The following ASIC2 variants were observed in gnomAD, a reference collection of about 807,000 sequenced individuals.
The protein encoded by ASIC2 is acid-sensing ion channel 2.
In ASIC2, 25 loss-of-function variants were observed where a neutral mutation model predicts 57.3. The ratio of observed to expected loss-of-function variants is 0.44; its 90% CI spans 0.32 to 0.61. The LOEUF (loss-of-function observed/expected upper bound fraction) is 0.61. Among genes scored for constraint, ASIC2 ranks in the 20% least tolerant of loss-of-function variants. The pLI, the probability that ASIC2 is intolerant of heterozygous loss-of-function variation, is 0.06. For missense variants in ASIC2, 641 were observed against 738.1 expected, an observed-to-expected ratio of 0.87 and a Z score of 1.52; for synonymous variants, 319 against 307.5, an observed-to-expected ratio of 1.04 and a Z score of -0.39.
At position 33,630,455 on chromosome 17, in the gene ASIC2, C is replaced by T. The variant is rs187581086; in HGVS notation, c.556-518388G>A. On this transcript the variant is annotated intron_variant, in intron 1 of 9. Transcript: ENST00000359872. ...TCCTGCCCCCTTTCCCTGTCCTCCC[C>T]GGAGAAAGGAAAGGACCTTGTGTGT... is the stretch of plus-strand genomic sequence containing the variant. 5.5e-3 allele frequency among the ~76,000 whole-genome samples: 835 copies of T among 152,216 alleles called. 4 individuals are homozygous for T. The highest frequency in any genetic ancestry group is 0.019 in the African/African-American group (776 of 41,498).
chr17:33,384,978 A>G (rs994985760), intron 1 of ASIC2, among the ~76,000 whole-genome samples: 2 of 152,238 alleles, frequency 1.3e-5, no homozygotes. Flanking sequence ...AAAGTCAGAC[A>G]GACATAGGTC....
chr17:33,256,924 G>T (rs1224066819), intron 1 of ASIC2, among the ~76,000 whole-genome samples: 1 of 152,092 alleles, frequency 6.6e-6, no homozygotes, highest in African/African-American at 2.4e-5. Context: ...CACTGGGTTC[G>T]CTGGGAGGTG....
chr17:33,519,793 C>A (rs931914129), intron 1 of ASIC2, among the ~76,000 whole-genome samples: 1 of 152,142 alleles, frequency 6.6e-6, no homozygotes, highest in Non-Finnish European at 1.5e-5. Context: ...CAAACTTGAC[C>A]TCACTTCAGG....
intron 1 of ASIC2, among the ~76,000 whole-genome samples, chr17:33,808,284 T>C (rs1687260743): frequency 6.6e-6 from 1 of 152,246 alleles, no homozygotes; most frequent in Non-Finnish European, 1.5e-5. Flanking sequence ...GAAAAGATGG[T>C]CTTTTCTCCA....
At chr17:33,896,940 C>T (rs978727537) in intron 1 of ASIC2, among the ~76,000 whole-genome samples, 1 of 152,184 alleles carries the variant, frequency 6.6e-6, no homozygotes, top group African/African-American at 2.4e-5. Flanking sequence ...AGCCAGACAT[C>T]CTGGCCGAAA....
At chr17:33,142,844 A>G (rs934168573) in intron 1 of ASIC2, among the ~76,000 whole-genome samples, 4 of 152,228 alleles carry the variant, frequency 2.6e-5, no homozygotes, top group Non-Finnish European at 5.9e-5. Context: ...ACCACCCTCT[A>G]TATGTATCCC....
intron 1 of ASIC2, among the ~76,000 whole-genome samples, chr17:33,969,482 A>C (rs1253214067): frequency 6.6e-6 from 1 of 152,224 alleles, no homozygotes; most frequent in Admixed American, 6.5e-5. Context: ...GAAGTAGTCT[A>C]TCTGCAAGGT....
At chr17:33,061,689 G>A (rs2092021257) in intron 3 of ASIC2, among the ~76,000 whole-genome samples, 2 of 152,146 alleles carry the variant, frequency 1.3e-5, no homozygotes, top group African/African-American at 4.8e-5. Flanking sequence ...AACGAGTTAG[G>A]GAGGATTCCC....
intron 1 of ASIC2, among the ~76,000 whole-genome samples, chr17:33,517,147 G>A (rs1177245097): frequency 2.0e-5 from 3 of 152,058 alleles, no homozygotes; most frequent in South Asian, 2.1e-4. Context: ...ACAGAGTCTC[G>A]TTCTGTTGCC....
At chr17:33,774,636 AT>A (rs1406493811) in intron 1 of ASIC2, among the ~76,000 whole-genome samples, 3 of 152,254 alleles carry the variant, frequency 2.0e-5, no homozygotes, top group Admixed American at 2.0e-4. Flanking sequence ...TTTATATCCC[AT>A]TGACCAAAAT....
chr17:33,581,106 T>A (rs575348873), intron 1 of ASIC2: 1 of 152,346 alleles, frequency 6.6e-6, no homozygotes, highest in African/African-American at 2.4e-5. Context: ...ATAGGAAGAT[T>A]AGCCTGGATT....
At chr17:33,985,020 G>A (rs1218409432) in intron 1 of ASIC2, among the ~76,000 whole-genome samples, 1 of 152,176 alleles carries the variant, frequency 6.6e-6, no homozygotes, top group East Asian at 1.9e-4. Flanking sequence ...ACTGCTATAG[G>A]CAGTCTGAAT....
At chr17:34,012,053 C>T (rs1296083087) in intron 1 of ASIC2, among the ~76,000 whole-genome samples, 2 of 152,204 alleles carry the variant, frequency 1.3e-5, no homozygotes, top group African/African-American at 2.4e-5. Flanking sequence ...CCTCCTTCCT[C>T]CCTCCCCTTA....
intron 1 of ASIC2, among the ~76,000 whole-genome samples, chr17:33,228,537 T>C (rs1306352172): frequency 6.6e-6 from 1 of 152,230 alleles, no homozygotes; most frequent in African/African-American, 2.4e-5. Flanking sequence ...AGACACATGA[T>C]AGCCACACAA....
intron 1 of ASIC2, among the ~76,000 whole-genome samples, chr17:34,135,095 A>G (rs368293950): frequency 2.6e-5 from 4 of 152,374 alleles, no homozygotes; most frequent in South Asian, 4.1e-4. Flanking sequence ...CTTTGCTAGA[A>G]GTGGAGGCTC....
chr17:33,850,595 C>T (rs317402), intron 1 of ASIC2, among the ~76,000 whole-genome samples: 46,086 of 151,928 alleles, frequency 0.3, 7,359 homozygotes, highest in East Asian at 0.49. Flanking sequence ...TTGAGTTTTG[C>T]TGGGGGAGGG....
intron 1 of ASIC2, among the ~76,000 whole-genome samples, chr17:33,266,149 C>T (rs1012463898): frequency 1.3e-5 from 2 of 152,196 alleles, no homozygotes; most frequent in African/African-American, 4.8e-5. Flanking sequence ...AGACACCTAC[C>T]TTGACCACAA....
At chr17:33,044,980 T>A (rs1266500075) in intron 3 of ASIC2, among the ~76,000 whole-genome samples, 2 of 152,126 alleles carry the variant, frequency 1.3e-5, no homozygotes, top group Non-Finnish European at 2.9e-5. Flanking sequence ...TAGAGGATAC[T>A]GCATGTGCAG....
chr17:33,714,305 T>C (rs1909143589), intron 1 of ASIC2, among the ~76,000 whole-genome samples: 1 of 152,194 alleles, frequency 6.6e-6, no homozygotes. Context: ...TAAAAGAACG[T>C]TCATTGCAAC....
Sources: allele counts gnomAD v4.1 joint callset (sites outside exome capture counted in the v4.1 genomes callset), GRCh38; gene constraint gnomAD v4.1.1; transcripts MANE v1.5; gene names NCBI Gene and HGNC (gene_info 2026-07-23, HGNC 2026-07-21).